Variants in MPDZ observed in about 807,000 individuals in gnomAD.
The protein encoded by MPDZ is multiple PDZ domain protein.
A neutral mutation model predicts 239.1 loss-of-function variants in MPDZ; 234 were observed. The ratio of observed to expected loss-of-function variants is 0.98; its 90% CI spans 0.88 to 1.09. MPDZ has a LOEUF of 1.09. MPDZ is among the 50% of genes least tolerant of loss of function. MPDZ has a pLI of 0.00. For synonymous variants in MPDZ, 1,048 were observed against 881.3 expected (o/e 1.19, Z -3.35); for missense variants, 3,175 against 2,510.0 (o/e 1.26, Z -5.66).
chr9:13,177,368 C>T (rs1248054085), intron 19 of MPDZ, among the ~76,000 whole-genome samples: 1 of 152,112 alleles, frequency 6.6e-6, no homozygotes, highest in African/African-American at 2.4e-5. Context: ...ATGGCTTCTA[C>T]TTCCATTCGC....
intron 23 of MPDZ, among the ~76,000 whole-genome samples, chr9:13,160,976 A>C (rs762475224): frequency 1.9e-4 from 29 of 149,920 alleles, no homozygotes; most frequent in South Asian, 2.1e-4. Context: ...CGAATACTAC[A>C]CCCTTTTATA....
Position 13,110,001 on chromosome 9 carries a change from G to C in MPDZ, c.5893C>G (p.Leu1965Val), listed in dbSNP as rs73404389. ...GHQQEPASSS[L>V]SFTGLTSSSI... ...CTTGACGTCAGCCCAGTGAAAGAAA[G>C]ACTGGAACTTGCAGGCTCCTGCTGA... The change falls in exon 45 of 47, where the codon CTT becomes GTT. Residue 1965 changes from leucine to valine, a missense_variant. Leu to Val is a conservative substitution (Grantham distance 32). Transcript: ENST00000319217. The C allele has an allele frequency of 9.1e-4, 1,463 of 1,613,400 alleles. 15 individuals are homozygous for C. The African/African-American group carries it at 0.018, about 19-fold the overall frequency.
chr9:13,177,748 C>T (rs1952691008), intron 19 of MPDZ, among the ~76,000 whole-genome samples: 1 of 152,124 alleles, frequency 6.6e-6, no homozygotes, highest in South Asian at 2.1e-4. Context: ...TACTTAAACA[C>T]TATGCCTAAT....
At position 13,121,835 on chromosome 9, in the gene MPDZ, T is replaced by A. The variant is rs780757669; in HGVS notation, c.5135A>T (p.Glu1712Val). Residue 1712 changes from glutamate to valine, a missense_variant, in exon 38 of 47, where the codon GAG becomes GTG. By Grantham distance (121) the Glu-to-Val change is moderately radical. Transcript: ENST00000319217. Reference protein sequence around the residue: ...QRVRLTLYRDEAPYKEEEVCD... With the variant: ...QRVRLTLYRDVAPYKEEEVCD... ...CACTTCCTCCTCTTTGTATGGGGCC[T>A]CATCTCTGTAGAGTGTCAGGCGCAC... 2 of 1,613,968 alleles carry A rather than the reference T, an allele frequency of 1.2e-6. No homozygotes were observed. The highest frequency in any genetic ancestry group is 2.2e-5 in the South Asian group (2 of 91,074).
At chr9:13,204,793 A>G (rs1587771239) in intron 12 of MPDZ, among the ~76,000 whole-genome samples, 2 of 152,194 alleles carry the variant, frequency 1.3e-5, no homozygotes, top group Non-Finnish European at 2.9e-5. Context: ...AAGTAAGAAT[A>G]GATTGACTCA....
chr9:13,122,523 C>CTTTTTTTTTTTTTTTTTTTTTT (rs1193402258), intron 36 of MPDZ, among the ~76,000 whole-genome samples: 1 of 141,148 alleles, frequency 7.1e-6, no homozygotes, highest in Admixed American at 7.1e-5. Context: ...TTTTCAAACT[C>CTTTTTTTTTTTTTTTTTTTTTT]TTTTTTTTTT....
chr9:13,244,068 T>C (rs1966036254), intron 3 of MPDZ, among the ~76,000 whole-genome samples: 1 of 152,196 alleles, frequency 6.6e-6, no homozygotes, highest in Non-Finnish European at 1.5e-5. Flanking sequence ...GTATTGGTCC[T>C]AAATTTCTAT....
Position 13,217,287 on chromosome 9 carries a change from G to C in MPDZ, c.1094C>G (p.Ala365Gly). The change falls in exon 9 of 47, where the codon GCT becomes GGT. Residue 365 changes from alanine (A) to glycine (G), a missense_variant. By Grantham distance (60) the Ala-to-Gly change is moderately conservative. Transcript: ENST00000319217. ...ACTTTCTTCACCTTTCTGAGTAGAA[G>C]CATCAACCTAAAATAAAATCAATAA... ...PTSTPELRVD[A>G]STQKGEESET... is the part of the protein sequence containing the mutation. 2 of 1,579,750 alleles carry C rather than the reference G, an allele frequency of 1.3e-6. No individual in the cohort carries two copies. Among genetic ancestry groups the C allele is most frequent in the South Asian group, 1.2e-5 (1 of 86,178 alleles).
intron 45 of MPDZ, 123 bp from the exon 46 acceptor site, chr9:13,109,182 TA>T (rs1942002911): frequency 1.2e-6 from 1 of 801,406 alleles, no homozygotes; most frequent in African/African-American, 1.8e-5. Context: ...ACAAGGAGTA[TA>T]TTACGGGTAT....
chr9:13,160,371 G>A (rs543992347), intron 23 of MPDZ, among the ~76,000 whole-genome samples: 2 of 152,052 alleles, frequency 1.3e-5, no homozygotes, highest in Admixed American at 6.6e-5. Context: ...TACTTTCTCT[G>A]CAGTGAAGCA....
At chr9:13,115,569 T>C (rs1164789510) in intron 39 of MPDZ, among the ~76,000 whole-genome samples, 2 of 152,130 alleles carry the variant, frequency 1.3e-5, no homozygotes, top group Admixed American at 1.3e-4. Flanking sequence ...CCTCATGATT[T>C]CTATGGAGAC....
intron 23 of MPDZ, among the ~76,000 whole-genome samples, chr9:13,159,539 G>T (rs1032930936): frequency 6.6e-6 from 1 of 152,216 alleles, no homozygotes; most frequent in South Asian, 2.1e-4. Context: ...AAATACAACA[G>T]GACAGAGTAT....
intron 1 of MPDZ, among the ~76,000 whole-genome samples, chr9:13,258,168 A>G (rs1411083718): frequency 6.6e-6 from 1 of 152,242 alleles, no homozygotes; most frequent in Non-Finnish European, 1.5e-5. Flanking sequence ...TTACATTTCA[A>G]CAAGTTGTAA....
At chr9:13,194,032 T>A (rs1028181677) in intron 13 of MPDZ, among the ~76,000 whole-genome samples, 5 of 152,102 alleles carry the variant, frequency 3.3e-5, no homozygotes, top group African/African-American at 1.2e-4. Flanking sequence ...CTGGATGAAA[T>A]CCTTCTCACC....
intron 1 of MPDZ, among the ~76,000 whole-genome samples, chr9:13,252,939 G>C (rs1428339004): frequency 6.6e-6 from 1 of 152,090 alleles, no homozygotes; most frequent in Non-Finnish European, 1.5e-5. Flanking sequence ...TTCTGAATCT[G>C]AATCTCTATT....
chr9:13,133,687 A>G, intron 32 of MPDZ, 137 bp downstream of exon 32: 2 of 546,998 alleles, frequency 3.7e-6, no homozygotes, highest in Non-Finnish European at 6.4e-6. Flanking sequence ...AGTGGGCCCA[A>G]GTATTTGCAG....
chr9:13,249,978 G>A (rs776748572), intron 2 of MPDZ, among the ~76,000 whole-genome samples: 1 of 152,162 alleles, frequency 6.6e-6, no homozygotes, highest in Non-Finnish European at 1.5e-5. Flanking sequence ...ACTTCCAGAT[G>A]CTTTCCAGAA....
Position 13,247,654 on chromosome 9 carries a change from A to T in MPDZ, c.164T>A (p.Val55Glu). 1 of 1,613,034 alleles carries T rather than the reference A, an allele frequency of 6.2e-7. No individual in the cohort carries two copies. ...FSQILSLQTS[V>E]QQLKDQVNIA... ...TCCTACCTGGTCTTTCAGCTGCTGT[A>T]CAGAAGTCTGAAGGCTCAGAATCTG... Residue 55 changes from valine to glutamate, a missense_variant, in exon 3 of 47, where the codon GTA (valine) becomes GAA (glutamate). Physicochemically the swap from Val to Glu is moderately radical, Grantham distance 121. Transcript: ENST00000319217.
rs189240998 is a variant in MPDZ at position 13,128,912 on chromosome 9, A to G, written c.4465-2140T>C. Among the ~76,000 whole-genome samples the G allele has an allele frequency of 4.9e-3, 742 of 152,344 alleles. 7 individuals carry two copies. The highest frequency in any genetic ancestry group is 0.016 in the African/African-American group (681 of 41,588). ...CTGGATGGCACAGTGTCACACAGACAGGGAAAAAAACGGGCTCTCGATGAC... is the reference window on the plus strand; with the variant it reads ...CTGGATGGCACAGTGTCACACAGACGGGGAAAAAAACGGGCTCTCGATGAC... On this transcript the variant is annotated intron_variant, in intron 32 of 46. Coordinates refer to ENST00000319217, the MANE Select transcript of MPDZ (RefSeq NM_001378778.1).
Sources: allele counts gnomAD v4.1 joint callset (sites outside exome capture counted in the v4.1 genomes callset), GRCh38; gene constraint gnomAD v4.1.1; transcripts MANE v1.5; gene names NCBI Gene and HGNC (gene_info 2026-07-23, HGNC 2026-07-21).